Variants in PRKCE observed in about 807,000 individuals in gnomAD.
PRKCE encodes the protein protein kinase C epsilon type.
In PRKCE, 16 loss-of-function variants were observed where a neutral mutation model predicts 85.4. That is an observed-to-expected ratio of 0.19 (90% CI 0.13 to 0.28). PRKCE has a LOEUF of 0.28. Among genes scored for constraint, PRKCE ranks in the 10% least tolerant of loss-of-function variants. The probability of loss-of-function intolerance (pLI) is 1.00; values close to 1 mark genes in which losing one functional copy is unlikely to be tolerated. For synonymous variants in PRKCE, 388 were observed against 371.5 expected, an observed-to-expected ratio of 1.04 and a Z score of -0.51; for missense variants, 573 against 975.2, an observed-to-expected ratio of 0.59 and a Z score of 5.49.
chr2:46,055,843 G>C (rs999823185), intron 10 of PRKCE, among the ~76,000 whole-genome samples: 3 of 152,034 alleles, frequency 2.0e-5, no homozygotes, highest in African/African-American at 7.2e-5. Context: ...GTATAGTTTT[G>C]TTAGAGATGG....
intron 7 of PRKCE, among the ~76,000 whole-genome samples, chr2:46,003,695 A>G (rs1704909630): frequency 6.6e-6 from 1 of 152,218 alleles, no homozygotes; most frequent in Non-Finnish European, 1.5e-5. Flanking sequence ...GATAACTTGC[A>G]TTGCTTGGAT....
intron 1 of PRKCE, among the ~76,000 whole-genome samples, chr2:45,791,945 G>A (rs963941405): frequency 6.6e-6 from 1 of 152,198 alleles, no homozygotes; most frequent in Non-Finnish European, 1.5e-5. Flanking sequence ...GTTCCACGGG[G>A]TATTTGTAAA....
intron 2 of PRKCE, among the ~76,000 whole-genome samples, chr2:45,941,283 G>GTGCATGTGTGTGT (rs1336214123): frequency 6.6e-6 from 1 of 152,156 alleles, no homozygotes; most frequent in Non-Finnish European, 1.5e-5. Context: ...CCAGCATGTG[G>GTGCATGTGTGTGT]TGCATGTGCA....
intron 11 of PRKCE, among the ~76,000 whole-genome samples, chr2:46,109,257 T>C (rs571983496): frequency 6.6e-6 from 1 of 152,300 alleles, no homozygotes; most frequent in African/African-American, 2.4e-5. Context: ...ATGGGTATTG[T>C]ATTGAATCTA....
At chr2:45,997,660 C>G (rs1462711185) in intron 6 of PRKCE, among the ~76,000 whole-genome samples, 3 of 152,152 alleles carry the variant, frequency 2.0e-5, no homozygotes, top group African/African-American at 7.2e-5. Flanking sequence ...GATTCTCCTG[C>G]CTCAGCCTCC....
chr2:45,736,886 T>G (rs1320971915), intron 1 of PRKCE, among the ~76,000 whole-genome samples: 2 of 152,140 alleles, frequency 1.3e-5, no homozygotes, highest in Non-Finnish European at 2.9e-5. Flanking sequence ...CATTTTGGTT[T>G]AAGGTGATCA....
At chr2:46,056,222 A>T (rs1349971458) in intron 10 of PRKCE, among the ~76,000 whole-genome samples, 2 of 150,382 alleles carry the variant, frequency 1.3e-5, no homozygotes, top group Non-Finnish European at 2.9e-5. Flanking sequence ...TTACTTCTTC[A>T]CGGTTAATGT....
chr2:45,658,607 G>A (rs746582544), intron 1 of PRKCE, among the ~76,000 whole-genome samples: 16 of 152,192 alleles, frequency 1.1e-4, no homozygotes, highest in South Asian at 2.1e-4. Context: ...TGGAAATGTC[G>A]TAGGTCTTGA....
rs61764800 is a variant in PRKCE, at chr2:45,981,851, G to T, written c.693+1470G>T. Among the ~76,000 whole-genome samples, 322 of 152,298 alleles carry T rather than the reference G, an allele frequency of 2.1e-3. 2 individuals carry two copies. The highest frequency in any genetic ancestry group is 6.2e-3 in the African/African-American group (256 of 41,560). On this transcript the variant is annotated intron_variant, in intron 5 of 14. Coordinates refer to ENST00000306156, the MANE Select transcript of PRKCE (RefSeq NM_005400.3). ...AGGATCTCAGTCTCATCACCTGCAGGTCTCTGCCTCTGCAGGACTCTAAAG... is the reference window on the plus strand; with the variant it reads ...AGGATCTCAGTCTCATCACCTGCAGTTCTCTGCCTCTGCAGGACTCTAAAG...
intron 2 of PRKCE, among the ~76,000 whole-genome samples, chr2:45,969,180 G>C (rs995544213): frequency 6.6e-6 from 1 of 151,880 alleles, no homozygotes; most frequent in Non-Finnish European, 1.5e-5. Flanking sequence ...GGACGTCTCT[G>C]CTTCGCCTTA....
intron 8 of PRKCE, among the ~76,000 whole-genome samples, chr2:46,005,005 C>G (rs1255164818): frequency 5.9e-5 from 9 of 152,176 alleles, no homozygotes; most frequent in Non-Finnish European, 1.3e-4. Flanking sequence ...CCTGTCAACA[C>G]CACTCCCTTG....
chr2:45,686,825 C>A (rs909322229), intron 1 of PRKCE, among the ~76,000 whole-genome samples: 1 of 151,896 alleles, frequency 6.6e-6, no homozygotes, highest in Non-Finnish European at 1.5e-5. Context: ...AGCTAGACAC[C>A]AATATAGAAT....
intron 1 of PRKCE, among the ~76,000 whole-genome samples, chr2:45,714,836 C>G (rs72884483): frequency 0.021 from 3,157 of 152,302 alleles, 101 homozygotes; most frequent in African/African-American, 0.073. Context: ...TCCCTCGGAA[C>G]CAAGGTGGAC....
chr2:45,917,734 G>A (rs1462896342), intron 2 of PRKCE, among the ~76,000 whole-genome samples: 2 of 152,206 alleles, frequency 1.3e-5, no homozygotes, highest in East Asian at 1.9e-4. Context: ...GGCGCTCGTC[G>A]GGGAGGCTCC....
intron 14 of PRKCE, among the ~76,000 whole-genome samples, chr2:46,168,604 G>A (rs1678576016): frequency 6.6e-6 from 1 of 152,214 alleles, no homozygotes; most frequent in Admixed American, 6.5e-5. Flanking sequence ...AGAATCTTCT[G>A]CCATCACCCT....
intron 14 of PRKCE, chr2:46,167,948 G>C (rs1179771004): frequency 6.6e-6 from 1 of 152,196 alleles, no homozygotes; most frequent in Non-Finnish European, 1.5e-5. Flanking sequence ...AAGCGAAACA[G>C]CCTCAGTGGA....
At position 45,835,600 on chromosome 2, in the gene PRKCE, T is replaced by TC. The variant is rs1212172218; in HGVS notation, c.349-7400_349-7399insC. Reference sequence around the variant, plus strand: ...TGCATGTATCGGTAGTATATTTGTTTTTTTTTTTTTTTTTAAGAGACAGGA... The same window carrying TC: ...TGCATGTATCGGTAGTATATTTGTTTCTTTTTTTTTTTTTTAAGAGACAGGA... On this transcript the variant is annotated intron_variant, in intron 1 of 14. Coordinates refer to ENST00000306156, the MANE Select transcript of PRKCE (RefSeq NM_005400.3). 2.6e-4 allele frequency among the ~76,000 whole-genome samples: 8 copies of TC among 30,986 alleles called. No individual in the cohort carries two copies. In the East Asian group the frequency reaches 3.9e-3, roughly 15 times the overall value. The allele number at this position is 30,986 out of a possible 152,430, so 20.3% of individuals were successfully genotyped here. A position where few individuals can be genotyped will look rare whatever the true frequency, so the allele number is the denominator to read the frequency against.
intron 2 of PRKCE, among the ~76,000 whole-genome samples, chr2:45,953,465 G>C (rs890930435): frequency 6.6e-6 from 1 of 152,098 alleles, no homozygotes; most frequent in Non-Finnish European, 1.5e-5. Context: ...TGAACAGCCA[G>C]CTACCGCTCC....
intron 1 of PRKCE, among the ~76,000 whole-genome samples, chr2:45,662,245 G>A (rs903205646): frequency 2.0e-5 from 3 of 152,130 alleles, no homozygotes; most frequent in Admixed American, 2.0e-4. Flanking sequence ...AATATGCCAG[G>A]TGCTATGCCC....
Sources: allele counts gnomAD v4.1 joint callset (sites outside exome capture counted in the v4.1 genomes callset), GRCh38; gene constraint gnomAD v4.1.1; transcripts MANE v1.5; gene names NCBI Gene and HGNC (gene_info 2026-07-23, HGNC 2026-07-21).